The following SYNE2 variants were observed in gnomAD, a reference collection of about 807,000 sequenced individuals.
The protein encoded by SYNE2 is nesprin-2.
A neutral mutation model predicts 856.3 loss-of-function variants in SYNE2; 431 were observed. The observed-to-expected ratio is 0.50, with a 90% CI of 0.47 to 0.55. SYNE2 has a LOEUF of 0.55. Ranked by LOEUF, SYNE2 falls within the 20% of genes least tolerant of loss-of-function variation. The pLI is 0.00. For missense variants in SYNE2, 8,129 were observed against 8,023.2 expected (o/e 1.01, Z -0.50); for synonymous variants, 2,923 against 2,872.3 (o/e 1.02, Z -0.56).
chr14:63,941,704 C>G lies in SYNE2; in HGVS notation c.151C>G (p.Pro51Ala). ...TTGTGACCTTCTGCAGCACACTTCTCCCTCAGTTATATCCGACCTATTCAC... is the reference window on the plus strand; with the variant it reads ...TTGTGACCTTCTGCAGCACACTTCTGCCTCAGTTATATCCGACCTATTCAC... ...INSQLARHTS[P>A]SVISDLFTDI... is the part of the protein sequence containing the mutation. Residue 51 changes from proline to alanine, a missense_variant, in exon 4 of 116, where the codon CCC (proline) becomes GCC (alanine). This residue lies in a region of SYNE2 where 2,422 missense variants were observed against 2,357.4 expected (regional missense o/e 1.03). Coordinates refer to ENST00000555002, the MANE Select transcript of SYNE2 (RefSeq NM_182914.3). The G allele has an allele frequency of 6.2e-7, 1 of 1,613,934 alleles. No individual in the cohort carries two copies. Among genetic ancestry groups the G allele is most frequent in the South Asian group, 1.1e-5 (1 of 91,068 alleles).
Position 64,207,042 on chromosome 14 carries a change from G to A in SYNE2, c.18202-1716G>A, listed in dbSNP as rs1028059394. Among the ~76,000 whole-genome samples, 8 of 152,090 alleles carry A rather than the reference G, an allele frequency of 5.3e-5. 1 individual carries two copies. Among genetic ancestry groups the A allele is most frequent in the East Asian group, 1.9e-4 (1 of 5,196 alleles). On this transcript the variant is annotated intron_variant, in intron 100 of 115. Coordinates refer to ENST00000555002, the MANE Select transcript of SYNE2 (RefSeq NM_182914.3). ...GACTCCCACCATTCGAGCATATCAG[G>A]CATTCTACCCACACTGCAGAGCTTT...
At chr14:63,985,539 A>G (rs943827443) in intron 18 of SYNE2, among the ~76,000 whole-genome samples, 6 of 152,128 alleles carry the variant, frequency 3.9e-5, no homozygotes, top group African/African-American at 7.2e-5. Flanking sequence ...ACTAAGAGCT[A>G]TATTTGTTTA....
chr14:64,122,563 G>A (rs2097905940), intron 70 of SYNE2, 136 bp downstream of exon 70: 2 of 1,195,660 alleles, frequency 1.7e-6, no homozygotes, highest in Non-Finnish European at 2.4e-6. Flanking sequence ...ACATTTTCTT[G>A]ATCTTGGAAA....
intron 1 of SYNE2, among the ~76,000 whole-genome samples, chr14:63,823,412 G>A (rs1360508730): frequency 6.6e-6 from 1 of 151,964 alleles, no homozygotes. Flanking sequence ...CCTGATCTCA[G>A]GTGATTCACC....
Position 64,052,640 on chromosome 14 carries a change from A to G in SYNE2, c.8727A>G (p.Glu2909=). 1 of 1,614,100 alleles carries G rather than the reference A, an allele frequency of 6.2e-7. No homozygotes were observed. Among genetic ancestry groups the G allele is most frequent in the Non-Finnish European group, 8.5e-7 (1 of 1,180,000 alleles). ...TCTATGAGGAGCTGAATGTGTTTGA[A>G]AGATTATTTCTGGAAGATCAGTTGA... ...TNIYEELNVF[E]RLFLEDQLKN... is the part of the protein sequence containing the mutation. The change falls in exon 48 of 116, where the codon GAA becomes GAG. Residue 2909 remains glutamate (E), a synonymous_variant. Coordinates refer to ENST00000555002, the MANE Select transcript of SYNE2 (RefSeq NM_182914.3).
intron 8 of SYNE2, among the ~76,000 whole-genome samples, chr14:63,957,329 C>T (rs1360990038): frequency 2.1e-5 from 3 of 141,162 alleles, no homozygotes; most frequent in Non-Finnish European, 3.0e-5. Context: ...AGTGCAGTGG[C>T]GTGATCTTGG....
In SYNE2 at chr14:64,167,236, C is replaced by T; in HGVS notation, c.16609C>T (p.His5537Tyr). Residue 5537 changes from histidine (H) to tyrosine (Y), a missense_variant, in exon 91 of 116, where the codon CAT (histidine) becomes TAT (tyrosine). Physicochemically the swap from His to Tyr is moderately conservative, Grantham distance 83 (BLOSUM62 2). Transcript: ENST00000555002. ...TACTTCAATTTTTTAAAAATAGAAT[C>T]ATGTGCTGGCACTGACAGCCCAATC... ...EKENPDSFLN[H>Y]VLALTAQSPD... 6.2e-7 allele frequency: 1 copy of T among 1,614,180 alleles called. No individual in the cohort carries two copies. Among genetic ancestry groups the T allele is most frequent in the African/African-American group, 1.3e-5 (1 of 75,058 alleles).
In SYNE2 at chr14:63,961,730, T is replaced by A. The variant is rs1228370233; in HGVS notation, c.888+105T>A. On this transcript the variant is annotated intron_variant, in intron 9 of 115. Transcript: ENST00000555002. ...TTGCATACAGAACTTAAATGTACAG[T>A]TTAATGAGCATACACCCCTGTAAAT... is the stretch of plus-strand genomic sequence containing the variant. 4.9e-6 allele frequency: 4 copies of A among 815,210 alleles called. No homozygotes were observed. The East Asian group carries it at 8.1e-5, about 16-fold the overall frequency. 50.5% of individuals were successfully genotyped at this position (815,210 alleles called of 1,614,324 possible). A position where few individuals can be genotyped will look rare whatever the true frequency, so the allele number is the denominator to read the frequency against.
intron 94 of SYNE2, among the ~76,000 whole-genome samples, chr14:64,172,153 A>G (rs964844003): frequency 6.6e-6 from 1 of 152,186 alleles, no homozygotes. Context: ...GCCCAGCCCC[A>G]TATTTTTTAA....
chr14:64,189,334 C>CAA (rs535544098), intron 98 of SYNE2, among the ~76,000 whole-genome samples: 4 of 132,384 alleles, frequency 3.0e-5, no homozygotes, highest in South Asian at 4.9e-4. Flanking sequence ...AATTCCATCT[C>CAA]AAAAAAAAAA....
chr14:63,947,792 G>A (rs1444247676), intron 6 of SYNE2, among the ~76,000 whole-genome samples: 6 of 152,050 alleles, frequency 3.9e-5, no homozygotes, highest in African/African-American at 2.4e-5. Flanking sequence ...AGCCGAGATC[G>A]TGCCATTGCC....
intron 1 of SYNE2, among the ~76,000 whole-genome samples, chr14:63,830,512 T>C (rs116603872): frequency 0.014 from 2,109 of 151,824 alleles, 42 homozygotes; most frequent in African/African-American, 0.048. Flanking sequence ...TTTTTAAAAA[T>C]TAACTGGGAG....
At chr14:63,815,449 A>C (rs370723350) in intron 1 of SYNE2, among the ~76,000 whole-genome samples, 8 of 151,886 alleles carry the variant, frequency 5.3e-5, no homozygotes, top group Admixed American at 6.6e-5. Context: ...TAGTGTTTTC[A>C]TGTTTTTCTG....
chr14:64,025,486 A>C, intron 41 of SYNE2, 65 bp downstream of exon 41: 1 of 1,486,934 alleles, frequency 6.7e-7, no homozygotes, highest in Non-Finnish European at 9.2e-7. Flanking sequence ...GATTTAGAGG[A>C]AAACTGTAAA....
intron 1 of SYNE2, among the ~76,000 whole-genome samples, chr14:63,789,503 C>G (rs767578944): frequency 6.6e-6 from 1 of 152,044 alleles, no homozygotes. Flanking sequence ...AGAATCTGGC[C>G]GGGCGCAGTG....
chr14:63,963,875 T>C (rs760809444), intron 9 of SYNE2, 24 bp from the exon 10 acceptor site: 3 of 1,563,886 alleles, frequency 1.9e-6, no homozygotes, highest in Non-Finnish European at 2.6e-6. Flanking sequence ...AAATATAGTT[T>C]AATTTTGTGT....
At chr14:64,103,549 C>CCTCT (rs1449714242) in intron 64 of SYNE2, among the ~76,000 whole-genome samples, 1 of 152,132 alleles carries the variant, frequency 6.6e-6, no homozygotes, top group African/African-American at 2.4e-5. Flanking sequence ...GATCCATAAA[C>CCTCT]CTCTCACTCC....
chr14:63,821,947 T>G (rs1436959578), intron 1 of SYNE2, among the ~76,000 whole-genome samples: 1 of 152,152 alleles, frequency 6.6e-6, no homozygotes, highest in African/African-American at 2.4e-5. Flanking sequence ...TCCCAGCACT[T>G]TGGGAGGCTG....
intron 50 of SYNE2, 93 bp downstream of exon 50, chr14:64,062,988 G>C (rs1362492953): frequency 3.5e-6 from 5 of 1,444,162 alleles, no homozygotes; most frequent in Non-Finnish European, 4.8e-6. Context: ...CTGTTAAGAC[G>C]CGTAGAAATC....
Sources: allele counts gnomAD v4.1 joint callset (sites outside exome capture counted in the v4.1 genomes callset), GRCh38; gene constraint gnomAD v4.1.1; regional missense constraint gnomAD v4.1.1; transcripts MANE v1.5; gene names NCBI Gene and HGNC (gene_info 2026-07-23, HGNC 2026-07-21).